Variants in ITGAE observed in about 807,000 individuals in gnomAD.
ITGAE encodes the protein integrin alpha-E.
A neutral mutation model predicts 136.5 loss-of-function variants in ITGAE; 99 were observed. The observed-to-expected ratio is 0.73, with a 90% confidence interval of 0.62 to 0.86. The LOEUF is 0.86. Among genes scored for constraint, ITGAE ranks in the 40% least tolerant of loss-of-function variants. ITGAE has a pLI of 0.00. For missense variants in ITGAE, 1,447 were observed against 1,515.3 expected (o/e 0.95, Z 0.75); for synonymous variants, 613 against 591.8 (o/e 1.04, Z -0.52).
Position 3,723,736 on chromosome 17 carries a change from C to A in ITGAE, c.3093G>T (p.Thr1031=). The change falls in exon 27 of 31, where the codon ACG becomes ACT. Residue 1031 remains threonine (T), a synonymous_variant. Coordinates refer to ENST00000263087, the MANE Select transcript of ITGAE (RefSeq NM_002208.5). ...VKKLTRTQAS[T]VCTWSQERAC... ...CGCGCTCCTGACTCCAGGTGCACACCGTGGAGGCCTGAAACGAGAGCCATG... is the reference window on the plus strand; with the variant it reads ...CGCGCTCCTGACTCCAGGTGCACACAGTGGAGGCCTGAAACGAGAGCCATG... The A allele has an allele frequency of 1.2e-6, 2 of 1,607,006 alleles. No individual in the cohort carries two copies. The highest frequency in any genetic ancestry group is 1.1e-5 in the South Asian group (1 of 90,300).
intron 18 of ITGAE, among the ~76,000 whole-genome samples, chr17:3,744,446 CT>C (rs34809324): frequency 0.36 from 46,191 of 127,794 alleles, 7,416 homozygotes; most frequent in Non-Finnish European, 0.41. Context: ...AGTTCTTTCT[CT>C]TTTTTTTTTT....
intron 26 of ITGAE, among the ~76,000 whole-genome samples, chr17:3,726,950 G>C (rs937947971): frequency 6.6e-6 from 1 of 151,826 alleles, no homozygotes; most frequent in Admixed American, 6.6e-5. Flanking sequence ...GGCTGGTCTC[G>C]AACTCCTCAC....
intron 17 of ITGAE, among the ~76,000 whole-genome samples, chr17:3,746,650 G>A (rs527522363): frequency 6.4e-4 from 98 of 151,996 alleles, no homozygotes; most frequent in African/African-American, 2.3e-3. Context: ...AGTGGAGACG[G>A]CGTTTCACCA....
chr17:3,763,255 G>A (rs2052217767), intron 3 of ITGAE, among the ~76,000 whole-genome samples: 1 of 152,164 alleles, frequency 6.6e-6, no homozygotes, highest in South Asian at 2.1e-4. Flanking sequence ...CAGTAAATCT[G>A]TGACCTGAGT....
At chr17:3,722,048 G>A (rs547019778) in intron 28 of ITGAE, among the ~76,000 whole-genome samples, 5 of 151,942 alleles carry the variant, frequency 3.3e-5, no homozygotes, top group South Asian at 2.1e-4. Context: ...GTATGGTGGC[G>A]CATACCTGTA....
rs2050914299 is a variant in ITGAE at position 3,714,922 on chromosome 17, T to C, written c.3465A>G (p.Lys1155=). 6.2e-7 allele frequency: 1 copy of C among 1,607,000 alleles called. No individual in the cohort carries two copies. Among genetic ancestry groups the C allele is most frequent in the African/African-American group, 1.3e-5 (1 of 74,958 alleles). ...ILFKCGFFKR[K]YQQLNLESIR... is the part of the protein sequence containing the mutation. The stretch of plus-strand genomic sequence containing the variant: ...TGCTCTCCAAGTTCAGTTGTTGATA[T>C]TTTCTTTTAAAAAAGCCACACTGAA... The change falls in exon 31 of 31, where the codon AAA becomes AAG. Residue 1155 remains lysine, a synonymous_variant. Coordinates refer to ENST00000263087, the MANE Select transcript of ITGAE (RefSeq NM_002208.5).
intron 2 of ITGAE, among the ~76,000 whole-genome samples, chr17:3,777,056 G>A (rs2052558855): frequency 1.3e-5 from 2 of 151,684 alleles, no homozygotes; most frequent in African/African-American, 4.8e-5. Context: ...CGCCTCCCGG[G>A]TTCACGCCAT....
chr17:3,777,364 T>G (rs558656867), intron 2 of ITGAE, among the ~76,000 whole-genome samples, 176 bp downstream of exon 2: 2 of 152,340 alleles, frequency 1.3e-5, no homozygotes, highest in Middle Eastern at 3.4e-3. Context: ...ACCAGCCCGA[T>G]GCCCACAGCC....
chr17:3,750,482 G>T lies in ITGAE; in HGVS notation c.1894C>A (p.Arg632=), dbSNP rs151305570. 3.7e-6 allele frequency: 6 copies of T among 1,613,874 alleles called. No individual in the cohort carries two copies. The highest frequency in any genetic ancestry group is 1.6e-4 in the Middle Eastern group (1 of 6,084). ...WDGLSASPSQ[R]IRASTVAPGL... ...GGGGCCACCGTGGAGGCTCTGATCC[G>T]CTGTGGAGGCAGAAACACAAGGCGT... Residue 632 remains arginine (R), a splice_region_variant and synonymous_variant, in exon 16 of 31, where the codon CGG becomes AGG. Coordinates refer to ENST00000263087, the MANE Select transcript of ITGAE (RefSeq NM_002208.5).
In ITGAE at chr17:3,799,921, C is replaced by T. The variant is rs546222983; in HGVS notation, c.34+1190G>A. ...AGGTCGATCACCTGAGGGCAGGAGA[C>T]CAGCCTGACCAATATGGTGAGACCC... On this transcript the variant is annotated intron_variant, in intron 1 of 30. Coordinates refer to ENST00000263087, the MANE Select transcript of ITGAE (RefSeq NM_002208.5). This position sits in a 1 kb window ranked among gnomAD's most constrained non-coding sequence, Gnocchi z 4.1. 3.3e-5 allele frequency among the ~76,000 whole-genome samples: 5 copies of T among 152,266 alleles called. No individual in the cohort carries two copies. The highest frequency in any genetic ancestry group is 7.3e-5 in the Non-Finnish European group (5 of 68,028).
intron 26 of ITGAE, chr17:3,723,996 G>C (rs754421400): frequency 3.1e-6 from 5 of 1,595,116 alleles, no homozygotes; most frequent in East Asian, 2.3e-5. Context: ...GGCTGCGGAC[G>C]GCAGGAGACA....
chr17:3,733,224 A>G (rs1264229471), intron 21 of ITGAE, among the ~76,000 whole-genome samples: 2 of 151,942 alleles, frequency 1.3e-5, no homozygotes, highest in Non-Finnish European at 1.5e-5. Context: ...ACCTCAAGTG[A>G]TCCACCCACT....
At chr17:3,723,009 T>C (rs996221865) in intron 28 of ITGAE, among the ~76,000 whole-genome samples, 1 of 152,090 alleles carries the variant, frequency 6.6e-6, no homozygotes, top group Non-Finnish European at 1.5e-5. Flanking sequence ...GTTTAGGATA[T>C]ATTTTGGCCC....
At position 3,717,026 on chromosome 17, in the gene ITGAE, T is replaced by C. The variant is rs185094011; in HGVS notation, c.3334-228A>G. 2.1e-3 allele frequency: 916 copies of C among 444,944 alleles called. 3 individuals are homozygous for C. The highest frequency in any genetic ancestry group is 2.7e-3 in the Non-Finnish European group (654 of 244,406). The allele number at this position is 444,944 out of a possible 1,614,324, so 27.6% of individuals were successfully genotyped here. ...CGTAAGAAACTATTCTGGCCCCTTA[T>C]CTAGAAGGGCTAGGTCTGTCAGGAG... On this transcript the variant is annotated intron_variant, in intron 29 of 30. Transcript: ENST00000263087.
At chr17:3,754,042 G>GT in intron 12 of ITGAE, 117 bp from the exon 13 acceptor site, 1 of 1,139,366 alleles carries the variant, frequency 8.8e-7, no homozygotes, top group Non-Finnish European at 1.2e-6. Context: ...GGGCAAAATA[G>GT]GAGAGACTGT....
At chr17:3,751,542 C>G in intron 15 of ITGAE, 108 bp downstream of exon 15, 1 of 1,001,192 alleles carries the variant, frequency 1.0e-6, no homozygotes, top group South Asian at 1.5e-5. Flanking sequence ...TCCCAACCCC[C>G]GAGACCTGCC....
chr17:3,716,808 A>C lies in ITGAE; in HGVS notation c.3334-10T>G. The C allele has an allele frequency of 7.0e-7, 1 of 1,429,568 alleles. No individual in the cohort carries two copies. Among genetic ancestry groups the C allele is most frequent in the Non-Finnish European group, 9.8e-7 (1 of 1,017,746 alleles). The allele number at this position is 1,429,568 out of a possible 1,614,324, so 88.6% of individuals were successfully genotyped here. A position where few individuals can be genotyped will look rare whatever the true frequency, so the allele number is the denominator to read the frequency against. On this transcript the variant is annotated splice_polypyrimidine_tract_variant and intron_variant, in intron 29 of 30. Coordinates refer to ENST00000263087, the MANE Select transcript of ITGAE (RefSeq NM_002208.5). ...GGAAGACGACAGTGATCTAGACAAG[A>C]CAAAGAGATCGCCCAATAAATCAGG...
Position 3,785,549 on chromosome 17 carries a change from A to AGGAAGGAC in ITGAE, c.35-7890_35-7889insGTCCTTCC, listed in dbSNP as rs1555526942. ...AAGGAAGGAAGGAAGGAAGGAAGGA[A>AGGAAGGAC]GGAAGGAAAACTAGAAAAATCTGAA... On this transcript the variant is annotated intron_variant, in intron 1 of 30. Coordinates refer to ENST00000263087, the MANE Select transcript of ITGAE (RefSeq NM_002208.5). Among the ~76,000 whole-genome samples the AGGAAGGAC allele has an allele frequency of 2.7e-3, 399 of 149,516 alleles. 3 individuals are homozygous for AGGAAGGAC. The highest frequency in any genetic ancestry group is 4.3e-3 in the South Asian group (20 of 4,678).
chr17:3,726,289 G>C (rs776724349), intron 26 of ITGAE: 5 of 1,613,880 alleles, frequency 3.1e-6, no homozygotes, highest in Non-Finnish European at 4.2e-6. Context: ...CTGAACTTCA[G>C]CTCTGCCACT....
Sources: allele counts gnomAD v4.1 joint callset (sites outside exome capture counted in the v4.1 genomes callset), GRCh38; gene constraint gnomAD v4.1.1; non-coding constraint Gnocchi (gnomAD v3.1); transcripts MANE v1.5; gene names NCBI Gene and HGNC (gene_info 2026-07-23, HGNC 2026-07-21).